USP34: variants seen among roughly 807,000 people sequenced by gnomAD.
USP34 encodes the protein ubiquitin carboxyl-terminal hydrolase 34.
USP34 carries 70 observed loss-of-function variants against 460.3 expected under a neutral mutation model. The observed-to-expected ratio is 0.15, with a 90% CI of 0.13 to 0.19. The LOEUF is 0.19. Ranked by LOEUF, USP34 falls within the 10% of genes least tolerant of loss-of-function variation. The probability of loss-of-function intolerance (pLI) is 1.00; values close to 1 mark genes in which losing one functional copy is unlikely to be tolerated. For synonymous variants in USP34, 1,647 were observed against 1,405.3 expected (o/e 1.17, Z -3.85); for missense variants, 3,985 against 4,236.2 (o/e 0.94, Z 1.65).
intron 3 of USP34, among the ~76,000 whole-genome samples, chr2:61,399,672 A>G (rs1693650703): frequency 6.6e-6 from 1 of 151,866 alleles, no homozygotes; most frequent in African/African-American, 2.4e-5. Flanking sequence ...AGAGTTGGAG[A>G]TCACCCTGTC....
At position 61,350,355 on chromosome 2, in the gene USP34, A is replaced by T. The variant is rs1691908733; in HGVS notation, c.1412T>A (p.Leu471Gln). The change falls in exon 12 of 80, where the codon CTG (leucine) becomes CAG (glutamine). Residue 471 changes from leucine (L) to glutamine (Q), a missense_variant. Physicochemically the swap from Leu to Gln is moderately radical, Grantham distance 113 (BLOSUM62 -2). This residue lies in a region of USP34 where 716 missense variants were observed against 626.2 expected (regional missense o/e 1.14). Transcript: ENST00000398571. ...CTTAGCTGCTAGTGCGTTATTCCAC[A>T]GTGCTTTAATTAACATGGATGCCAA... ...LYLASMLIKA[L>Q]WNNALAAKAQ... is the part of the protein sequence containing the mutation. The T allele has an allele frequency of 1.9e-6, 3 of 1,613,484 alleles. No homozygotes were observed.
chr2:61,258,129 T>A (rs1322386535), intron 44 of USP34, among the ~76,000 whole-genome samples: 1 of 152,014 alleles, frequency 6.6e-6, no homozygotes, highest in Non-Finnish European at 1.5e-5. Context: ...TACGGCGAGT[T>A]GATTGCTTGA....
At chr2:61,309,808 T>C (rs1558522860) in intron 27 of USP34, among the ~76,000 whole-genome samples, 1 of 152,190 alleles carries the variant, frequency 6.6e-6, no homozygotes, top group Non-Finnish European at 1.5e-5. Flanking sequence ...ATTTTAGCAA[T>C]AGGATGTGTC....
Position 61,258,465 on chromosome 2 carries a change from T to C in USP34, c.5845-1115A>G, listed in dbSNP as rs1471615385. Among the ~76,000 whole-genome samples, 3 of 152,314 alleles carry C rather than the reference T, an allele frequency of 2.0e-5. No homozygotes were observed. In the East Asian group the frequency reaches 5.8e-4, roughly 29 times the overall value. On this transcript the variant is annotated intron_variant, in intron 44 of 79. Coordinates refer to ENST00000398571, the MANE Select transcript of USP34 (RefSeq NM_014709.4). ...GACTTGGAATACTCCGGTTAATCTG[T>C]GGAATAGATGGTCTCTTAGAGTTTG...
At chr2:61,258,645 G>A (rs568241224) in intron 44 of USP34, among the ~76,000 whole-genome samples, 1 of 152,170 alleles carries the variant, frequency 6.6e-6, no homozygotes, top group East Asian at 1.9e-4. Context: ...GAAGGGTAGG[G>A]GGAAAAAACC....
chr2:61,195,382 A>AAATC (rs939397015), intron 75 of USP34, among the ~76,000 whole-genome samples: 2 of 151,430 alleles, frequency 1.3e-5, no homozygotes, highest in Non-Finnish European at 2.9e-5. Flanking sequence ...AAAAAAAAAA[A>AAATC]AATCAGCCAG....
intron 1 of USP34, among the ~76,000 whole-genome samples, chr2:61,442,854 C>T (rs565737892): frequency 2.2e-4 from 33 of 150,500 alleles, no homozygotes; most frequent in Admixed American, 1.3e-4. Context: ...AATCAACCTA[C>T]GTGTTCAACG....
chr2:61,359,565 TCAA>T (rs1450675629), intron 10 of USP34, among the ~76,000 whole-genome samples: 8 of 152,060 alleles, frequency 5.3e-5, no homozygotes, highest in Non-Finnish European at 8.8e-5. Context: ...CCAAAAATAG[TCAA>T]CAACAACAAA....
At chr2:61,408,420 G>T (rs751151780) in intron 2 of USP34, among the ~76,000 whole-genome samples, 6 of 152,090 alleles carry the variant, frequency 3.9e-5, no homozygotes, top group Admixed American at 1.3e-4. Flanking sequence ...TATAAATAAT[G>T]CATCACATCT....
intron 3 of USP34, among the ~76,000 whole-genome samples, chr2:61,399,866 CT>C (rs1249700065): frequency 2.7e-5 from 1 of 36,522 alleles, no homozygotes; most frequent in African/African-American, 8.7e-5. Context: ...GTGCGAGACA[CT>C]GTCTCCCAAA....
intron 2 of USP34, among the ~76,000 whole-genome samples, chr2:61,416,365 C>T (rs1694192698): frequency 6.6e-6 from 1 of 152,074 alleles, no homozygotes; most frequent in South Asian, 2.1e-4. Flanking sequence ...ATAAAAGATA[C>T]TACTTTTAGC....
chr2:61,283,396 G>C lies in USP34; in HGVS notation c.4873+13C>G. ...TTTTTATTTATTAAAAGTTAACTTT[G>C]TGGAACCCTTACCTTCATGTCTAGA... On this transcript the variant is annotated intron_variant, in intron 36 of 79. Coordinates refer to ENST00000398571, the MANE Select transcript of USP34 (RefSeq NM_014709.4). 1 of 1,597,314 alleles carries C rather than the reference G, an allele frequency of 6.3e-7. No individual in the cohort carries two copies. The highest frequency in any genetic ancestry group is 1.4e-5 in the African/African-American group (1 of 73,992).
At chr2:61,241,716 C>G in intron 52 of USP34, 50 bp downstream of exon 52, 1 of 1,500,094 alleles carries the variant, frequency 6.7e-7, no homozygotes, top group Non-Finnish European at 9.0e-7. Flanking sequence ...TAAAAGTAGA[C>G]AATGCAGAAG....
intron 1 of USP34, among the ~76,000 whole-genome samples, chr2:61,460,068 A>G (rs1695555558): frequency 6.6e-6 from 1 of 152,118 alleles, no homozygotes; most frequent in Non-Finnish European, 1.5e-5. Context: ...TCTCAGAAAA[A>G]AGATACTTGA....
intron 5 of USP34, among the ~76,000 whole-genome samples, chr2:61,385,150 C>A (rs1203699305): frequency 3.9e-5 from 6 of 151,972 alleles, no homozygotes; most frequent in African/African-American, 7.2e-5. Flanking sequence ...AGAACAGTAT[C>A]AAAAATATCA....
chr2:61,343,949 A>G lies in USP34; in HGVS notation c.2366T>C (p.Met789Thr), dbSNP rs1691682448. ...SQVSAKSEKN[M>T]ADFDGEESGC... ...AGATTCTTCACCATCAAAATCAGCC[A>G]TATTTTTTTCTGATTTTGCACTAAC... The change falls in exon 16 of 80, where the codon ATG becomes ACG. Residue 789 changes from methionine to threonine, a missense_variant. Met to Thr is a moderately conservative substitution (Grantham distance 81). This residue lies in a region of USP34 where 716 missense variants were observed against 626.2 expected (regional missense o/e 1.14). Coordinates refer to ENST00000398571, the MANE Select transcript of USP34 (RefSeq NM_014709.4). 3 of 1,613,966 alleles carry G rather than the reference A, an allele frequency of 1.9e-6. No homozygotes were observed. Among genetic ancestry groups the G allele is most frequent in the Non-Finnish European group, 2.5e-6 (3 of 1,179,924 alleles).
chr2:61,189,564 C>G (rs368157095), intron 78 of USP34: 1 of 152,824 alleles, frequency 6.5e-6, no homozygotes, highest in Non-Finnish European at 1.5e-5. Context: ...CATGAGCCAC[C>G]GTGCCCAGCC....
At chr2:61,211,502 G>A (rs958305611) in intron 69 of USP34, among the ~76,000 whole-genome samples, 15 of 152,140 alleles carry the variant, frequency 9.9e-5, no homozygotes, top group African/African-American at 1.7e-4. Context: ...CCTGAGTTAG[G>A]ATAAATTGCC....
chr2:61,275,273 C>T (rs1359708858), intron 41 of USP34, among the ~76,000 whole-genome samples: 11 of 152,064 alleles, frequency 7.2e-5, no homozygotes, highest in Admixed American at 2.0e-4. Context: ...AGCCAGACCC[C>T]GTCTCAAAGA....
Sources: gnomAD v4.1 joint callset for allele counts (sites outside exome capture counted in the v4.1 genomes callset) on GRCh38, gnomAD v4.1.1 for gene constraint, gnomAD v4.1.1 regional missense constraint, MANE v1.5 for transcripts, NCBI Gene and HGNC (gene_info 2026-07-23, HGNC 2026-07-21) for gene names.